Variants in WDFY4 observed in about 807,000 individuals in gnomAD.
WDFY4 encodes WDFY family member 4.
In WDFY4, 169 loss-of-function variants were observed where a neutral mutation model predicts 351.9. The observed-to-expected ratio is 0.48, with a 90% confidence interval of 0.42 to 0.55. The LOEUF is 0.55. Among genes scored for constraint, WDFY4 ranks in the 20% least tolerant of loss-of-function variants. The pLI is 0.00. For synonymous variants in WDFY4, 1,622 were observed against 1,574.6 expected (o/e 1.03, Z -0.71); for missense variants, 3,803 against 3,935.6 (o/e 0.97, Z 0.90).
intron 47 of WDFY4, among the ~76,000 whole-genome samples, chr10:48,903,819 T>C (rs1384099015): frequency 6.6e-6 from 1 of 152,132 alleles, no homozygotes; most frequent in Non-Finnish European, 1.5e-5. Flanking sequence ...TAGAATAGTG[T>C]TTAAAGTGAT....
intron 39 of WDFY4, among the ~76,000 whole-genome samples, chr10:48,839,757 T>C (rs1275524815): frequency 6.6e-6 from 1 of 152,246 alleles, no homozygotes. Flanking sequence ...GAAAAGTCTT[T>C]TGAGTACGTA....
At chr10:48,823,813 T>C in intron 35 of WDFY4, 1 of 988,472 alleles carries the variant, frequency 1.0e-6, no homozygotes, top group South Asian at 4.7e-5. Flanking sequence ...CCTCTCTTGC[T>C]TGCTGTCTGT....
In WDFY4 at chr10:48,781,618, G is replaced by A. The variant is rs569355102; in HGVS notation, c.3576+1499G>A. Among the ~76,000 whole-genome samples, 4 of 152,244 alleles carry A rather than the reference G, an allele frequency of 2.6e-5. No homozygotes were observed. The East Asian group carries it at 5.8e-4, about 22-fold the overall frequency. On this transcript the variant is annotated intron_variant, in intron 19 of 61. Coordinates refer to ENST00000325239, the MANE Select transcript of WDFY4 (RefSeq NM_001394531.1). Reference sequence around the variant, plus strand: ...GCTGACCAGAAAGATTTTGACAGGGGCATTGAAAGAACAGGTCCTTCAAAA... The same window carrying A: ...GCTGACCAGAAAGATTTTGACAGGGACATTGAAAGAACAGGTCCTTCAAAA...
At position 48,820,578 on chromosome 10, in the gene WDFY4, A is replaced by C. The variant is rs542531724; in HGVS notation, c.5709+141A>C. ...GGGGAATCTGTGAACCATGGGCCCCAAAAAAGCAACAGGTGATAGAGGAGT... is the reference window on the plus strand; with the variant it reads ...GGGGAATCTGTGAACCATGGGCCCCCAAAAAGCAACAGGTGATAGAGGAGT... On this transcript the variant is annotated intron_variant, in intron 33 of 61. Coordinates refer to ENST00000325239, the MANE Select transcript of WDFY4 (RefSeq NM_001394531.1). 4.9e-5 allele frequency: 45 copies of C among 921,910 alleles called. 1 individual carries two copies. The South Asian group carries it at 5.8e-4, about 12-fold the overall frequency. The allele number at this position is 921,910 out of a possible 1,614,324, so 57.1% of individuals were successfully genotyped here. A position where few individuals can be genotyped will look rare whatever the true frequency, so the allele number is the denominator to read the frequency against.
At chr10:48,751,920 GC>G (rs1447601958) in intron 12 of WDFY4, among the ~76,000 whole-genome samples, 3 of 152,230 alleles carry the variant, frequency 2.0e-5, no homozygotes, top group Non-Finnish European at 2.9e-5. Flanking sequence ...TCCTGCAAAG[GC>G]CCCTAGGCTT....
At chr10:48,803,217 C>A (rs146932242) in intron 24 of WDFY4, 69 bp from the exon 25 acceptor site, 20,931 of 1,487,360 alleles carry the variant, frequency 0.014, 181 homozygotes, top group Non-Finnish European at 0.016. Context: ...CACTGACCTT[C>A]TCATGCTTCC....
rs200885268 is a variant in WDFY4, at chr10:48,803,046, GA to G, written c.4411-238del. Among the ~76,000 whole-genome samples, 1,213 of 152,302 alleles carry G rather than the reference GA, an allele frequency of 8.0e-3. 45 individuals carry two copies. The East Asian group carries it at 0.13, about 16-fold the overall frequency. ...TGGTTAGTGCAGGCGTCCTTGGTTG[GA>G]ACCAGGCCCACAATGAAGTGCCAAG... On this transcript the variant is annotated intron_variant, in intron 24 of 61. Transcript: ENST00000325239.
intron 2 of WDFY4, among the ~76,000 whole-genome samples, chr10:48,716,078 T>A (rs1465013629): frequency 6.6e-6 from 1 of 152,150 alleles, no homozygotes; most frequent in Non-Finnish European, 1.5e-5. Context: ...CTTCGGGAAA[T>A]AACACTTTTT....
intron 47 of WDFY4, among the ~76,000 whole-genome samples, chr10:48,923,109 A>G (rs1839241120): frequency 6.6e-6 from 1 of 152,102 alleles, no homozygotes; most frequent in Admixed American, 6.5e-5. Flanking sequence ...TGTTCCTCTC[A>G]CTGTGTCTGC....
chr10:48,841,813 A>T (rs1045453849), intron 39 of WDFY4, among the ~76,000 whole-genome samples: 3 of 152,226 alleles, frequency 2.0e-5, no homozygotes, highest in Non-Finnish European at 4.4e-5. Context: ...GAAACATCAC[A>T]GAGTCACTGC....
intron 17 of WDFY4, among the ~76,000 whole-genome samples, chr10:48,778,267 C>T (rs1021818919): frequency 6.6e-6 from 1 of 152,224 alleles, no homozygotes; most frequent in African/African-American, 2.4e-5. Flanking sequence ...GTCTATATCG[C>T]CAACCCTGTT....
intron 13 of WDFY4, among the ~76,000 whole-genome samples, chr10:48,763,311 C>G (rs1336634873): frequency 1.3e-5 from 2 of 152,212 alleles, no homozygotes; most frequent in African/African-American, 2.4e-5. Flanking sequence ...CACCTCTGGC[C>G]CAAGCTTAAG....
intron 39 of WDFY4, among the ~76,000 whole-genome samples, chr10:48,836,222 T>C (rs937605703): frequency 6.6e-6 from 1 of 152,260 alleles, no homozygotes; most frequent in Non-Finnish European, 1.5e-5. Context: ...GTGAGCAATG[T>C]AATTGATATT....
chr10:48,788,515 G>T lies in WDFY4; in HGVS notation c.3809-15G>T. The T allele has an allele frequency of 6.4e-7, 1 of 1,550,582 alleles. No individual in the cohort carries two copies. ...TAAAGTTAGACTAGAAATGTTTAAA[G>T]ATGTGTTGTTACAGGGGAGGACCTG... On this transcript the variant is annotated splice_polypyrimidine_tract_variant and intron_variant, in intron 20 of 61. Coordinates refer to ENST00000325239, the MANE Select transcript of WDFY4 (RefSeq NM_001394531.1).
At chr10:48,700,587 G>A (rs1346508845) in intron 1 of WDFY4, among the ~76,000 whole-genome samples, 1 of 152,234 alleles carries the variant, frequency 6.6e-6, no homozygotes, top group Non-Finnish European at 1.5e-5. Context: ...TGGCCCAGAA[G>A]GGAATTCTCA....
At chr10:48,807,081 G>A (rs2067281835) in intron 27 of WDFY4, among the ~76,000 whole-genome samples, 1 of 152,188 alleles carries the variant, frequency 6.6e-6, no homozygotes, top group African/African-American at 2.4e-5. Flanking sequence ...GGAGCTAATT[G>A]AAGATGGGAC....
At chr10:48,791,964 G>A (rs185461042) in intron 23 of WDFY4, among the ~76,000 whole-genome samples, 2 of 152,218 alleles carry the variant, frequency 1.3e-5, no homozygotes, top group East Asian at 3.9e-4. Flanking sequence ...ATATCTGGTG[G>A]TGTCCCTCCT....
intron 47 of WDFY4, among the ~76,000 whole-genome samples, chr10:48,905,984 A>T (rs1388220459): frequency 1.3e-5 from 2 of 152,126 alleles, no homozygotes; most frequent in Admixed American, 6.5e-5. Flanking sequence ...TGGCTTCAGG[A>T]GCTCCAGGGT....
rs571111407 is a variant in WDFY4, at chr10:48,799,371, T to G, written c.4410+2921T>G. 8.1e-5 allele frequency among the ~76,000 whole-genome samples: 12 copies of G among 147,460 alleles called. No homozygotes were observed. The South Asian group carries it at 2.5e-3, about 31-fold the overall frequency. On this transcript the variant is annotated intron_variant, in intron 24 of 61. Transcript: ENST00000325239. ...GAAAAATGTTTCCCAAATGTCATGT[T>G]CTGCCTACACCAAGTAAAGTGAGGT...
Sources: allele counts gnomAD v4.1 joint callset (sites outside exome capture counted in the v4.1 genomes callset), GRCh38; gene constraint gnomAD v4.1.1; transcripts MANE v1.5; gene names NCBI Gene and HGNC (gene_info 2026-07-23, HGNC 2026-07-21).